Variants in KLB observed in about 807,000 individuals in gnomAD.
KLB encodes the protein klotho beta, also known as beta-klotho.
In KLB, 44 loss-of-function variants were observed where a neutral mutation model predicts 88.4. The ratio of observed to expected loss-of-function variants is 0.50; its 90% CI spans 0.39 to 0.64. The LOEUF (loss-of-function observed/expected upper bound fraction) is 0.64. Among genes scored for constraint, KLB ranks in the 30% least tolerant of loss-of-function variants. The pLI, the probability that KLB is intolerant of heterozygous loss-of-function variation, is 0.00. For missense variants in KLB, 1,137 were observed against 1,304.8 expected, an observed-to-expected ratio of 0.87 and a Z score of 1.98; for synonymous variants, 548 against 513.4, an observed-to-expected ratio of 1.07 and a Z score of -0.91.
intron 1 of KLB, among the ~76,000 whole-genome samples, chr4:39,413,969 T>C (rs561635110): frequency 6.6e-6 from 1 of 152,272 alleles, no homozygotes; most frequent in East Asian, 1.9e-4. Flanking sequence ...TCCTGTGCAA[T>C]GGAGGAGTTC....
rs982902752 is a variant in KLB, at chr4:39,438,063, G to T, written c.1605+68G>T. On this transcript the variant is annotated intron_variant, in intron 3 of 4. Coordinates refer to ENST00000257408, the MANE Select transcript of KLB (RefSeq NM_175737.4). ...GTACACACTATTTCATTTACTCAAT[G>T]ACAGCTAAGAGATAGCTGTCAGACA... The T allele has an allele frequency of 7.2e-5, 103 of 1,426,576 alleles. No homozygotes were observed. In the African/African-American group the frequency reaches 1.4e-3, roughly 19 times the overall value. The allele number at this position is 1,426,576 out of a possible 1,614,324, so 88.4% of individuals were successfully genotyped here.
chr4:39,427,580 G>A (rs1254407707), intron 1 of KLB, among the ~76,000 whole-genome samples: 2 of 151,900 alleles, frequency 1.3e-5, no homozygotes, highest in Admixed American at 6.6e-5. Context: ...AAAGGACAAC[G>A]AGTAAAACTC....
Position 39,448,965 on chromosome 4 carries a change from A to G in KLB, c.*279A>G. 6.3e-6 allele frequency: 2 copies of G among 318,814 alleles called. No individual in the cohort carries two copies. Among genetic ancestry groups the G allele is most frequent in the Non-Finnish European group, 1.2e-5 (2 of 173,586 alleles). The allele number at this position is 318,814 out of a possible 1,614,324, so 19.7% of individuals were successfully genotyped here. ...CTTAAAGTTTCATCAACTGTATTCC[A>G]TCATTCTGCTTTAGCTTTCATCTCT... On this transcript the variant is annotated 3_prime_UTR_variant, in exon 5 of 5. Coordinates refer to ENST00000257408, the MANE Select transcript of KLB (RefSeq NM_175737.4).
chr4:39,407,790 C>T lies in KLB; in HGVS notation c.825+16C>T. 7.1e-7 allele frequency: 1 copy of T among 1,404,098 alleles called. No homozygotes were observed. The highest frequency in any genetic ancestry group is 9.6e-7 in the Non-Finnish European group (1 of 1,038,246). The allele number at this position is 1,404,098 out of a possible 1,614,324, so 87.0% of individuals were successfully genotyped here. On this transcript the variant is annotated intron_variant, in intron 1 of 4. Coordinates refer to ENST00000257408, the MANE Select transcript of KLB (RefSeq NM_175737.4). ...CTTGATCAAGGTACTGTACAGCTAG[C>T]TTCTTCTTATAGCTTCAGAAAACAC...
chr4:39,413,494 G>C (rs1742903924), intron 1 of KLB, among the ~76,000 whole-genome samples: 2 of 151,966 alleles, frequency 1.3e-5, no homozygotes, highest in African/African-American at 4.8e-5. Flanking sequence ...AAGATCCCTT[G>C]AGCCCAGGAG....
chr4:39,450,456 T>C lies in KLB; in HGVS notation c.*1770T>C, dbSNP rs191773820. On this transcript the variant is annotated 3_prime_UTR_variant, in exon 5 of 5. Coordinates refer to ENST00000257408, the MANE Select transcript of KLB (RefSeq NM_175737.4). Reference sequence around the variant, plus strand: ...ACAAGTTTCCAAAATACTGTAAAAATACAATTAGTCAATTTGAGTAAATGC... The same window carrying C: ...ACAAGTTTCCAAAATACTGTAAAAACACAATTAGTCAATTTGAGTAAATGC... The C allele has an allele frequency of 9.2e-5, 14 of 152,284 alleles. No individual in the cohort carries two copies. The highest frequency in any genetic ancestry group is 3.4e-4 in the African/African-American group (14 of 41,560). 9.4% of individuals were successfully genotyped at this position (152,284 alleles called of 1,614,324 possible). A position where few individuals can be genotyped will look rare whatever the true frequency, so the allele number is the denominator to read the frequency against.
chr4:39,415,409 G>A (rs897164643), intron 1 of KLB, among the ~76,000 whole-genome samples: 8 of 152,116 alleles, frequency 5.3e-5, no homozygotes, highest in African/African-American at 1.9e-4. Flanking sequence ...CAGGAGGGTT[G>A]CTTGAGCTCA....
At position 39,449,571 on chromosome 4, in the gene KLB, C is replaced by CA. The variant is rs1743843409; in HGVS notation, c.*891dup. On this transcript the variant is annotated 3_prime_UTR_variant, in exon 5 of 5. Coordinates refer to ENST00000257408, the MANE Select transcript of KLB (RefSeq NM_175737.4). ...ATCAAGCCCTTCATTTTTCTAACAA[C>CA]AAAAAATCACCTATAGAATATCTAA... The CA allele has an allele frequency of 2.0e-5, 3 of 152,084 alleles. No individual in the cohort carries two copies. Among genetic ancestry groups the CA allele is most frequent in the Admixed American group, 2.0e-4 (3 of 15,258 alleles). 9.4% of individuals were successfully genotyped at this position (152,084 alleles called of 1,614,324 possible). A position where few individuals can be genotyped will look rare whatever the true frequency, so the allele number is the denominator to read the frequency against.
intron 1 of KLB, among the ~76,000 whole-genome samples, chr4:39,416,492 A>C (rs1742966926): frequency 6.6e-6 from 1 of 152,204 alleles, no homozygotes; most frequent in South Asian, 2.1e-4. Context: ...TAAACTGCAA[A>C]AACAAGGGTC....
chr4:39,444,084 G>T (rs1743680457), intron 3 of KLB, among the ~76,000 whole-genome samples: 2 of 151,954 alleles, frequency 1.3e-5, no homozygotes, highest in Non-Finnish European at 2.9e-5. Context: ...TTGAACCCGG[G>T]GGGCGGAGGT....
chr4:39,436,706 C>CT (rs1743479039), intron 2 of KLB, among the ~76,000 whole-genome samples: 1 of 150,346 alleles, frequency 6.7e-6, no homozygotes, highest in Non-Finnish European at 1.5e-5. Context: ...TTTCTTTTCT[C>CT]TTTTTTGTTT....
intron 1 of KLB, among the ~76,000 whole-genome samples, chr4:39,415,767 T>A (rs895337592): frequency 3.3e-5 from 5 of 152,066 alleles, no homozygotes; most frequent in African/African-American, 1.2e-4. Context: ...CACACACAAA[T>A]GATGAAATAA....
intron 1 of KLB, among the ~76,000 whole-genome samples, chr4:39,420,741 C>G (rs1743063964): frequency 6.6e-6 from 1 of 152,092 alleles, no homozygotes; most frequent in Non-Finnish European, 1.5e-5. Flanking sequence ...GTCTTGAACT[C>G]CTGGGTTCAA....
chr4:39,429,396 C>T (rs1384210926), intron 1 of KLB, among the ~76,000 whole-genome samples: 1 of 152,132 alleles, frequency 6.6e-6, no homozygotes, highest in Non-Finnish European at 1.5e-5. Flanking sequence ...TATTTGTTTC[C>T]TATCATCCAC....
At chr4:39,437,021 A>G (rs1489902289) in intron 2 of KLB, among the ~76,000 whole-genome samples, 3 of 152,110 alleles carry the variant, frequency 2.0e-5, no homozygotes, top group African/African-American at 7.2e-5. Flanking sequence ...GTTGATTTTC[A>G]TATTTCATTT....
intron 1 of KLB, among the ~76,000 whole-genome samples, chr4:39,417,266 C>T (rs1052540643): frequency 6.6e-6 from 1 of 152,052 alleles, no homozygotes; most frequent in Non-Finnish European, 1.5e-5. Context: ...TACTTTCTTC[C>T]TTCCACCACT....
intron 3 of KLB, among the ~76,000 whole-genome samples, chr4:39,445,499 CT>C (rs1348595307): frequency 7.7e-6 from 1 of 130,048 alleles, no homozygotes; most frequent in African/African-American, 2.6e-5. Flanking sequence ...TTGAACTTTT[CT>C]TTTCTTTTTT....
At chr4:39,422,371 A>T (rs1253007195) in intron 1 of KLB, among the ~76,000 whole-genome samples, 1 of 152,060 alleles carries the variant, frequency 6.6e-6, no homozygotes, top group Non-Finnish European at 1.5e-5. Context: ...TGAGGTCCAC[A>T]CTCTACCTCT....
intron 1 of KLB, among the ~76,000 whole-genome samples, chr4:39,410,756 A>C (rs1742820590): frequency 6.6e-6 from 1 of 152,196 alleles, no homozygotes; most frequent in African/African-American, 2.4e-5. Flanking sequence ...CTAATATAAA[A>C]CTGAATTCTG....
Sources: gnomAD v4.1 joint callset for allele counts (sites outside exome capture counted in the v4.1 genomes callset) on GRCh38, gnomAD v4.1.1 for gene constraint, MANE v1.5 for transcripts, NCBI Gene and HGNC (gene_info 2026-07-23, HGNC 2026-07-21) for gene names.